PCNT: variants seen among roughly 807,000 people sequenced by gnomAD.
PCNT encodes the protein pericentrin.
PCNT carries 319 observed loss-of-function variants against 380.4 expected under a neutral mutation model. That is an observed-to-expected ratio of 0.84 (90% confidence interval 0.77 to 0.92). PCNT has a LOEUF of 0.92. Among genes scored for constraint, PCNT ranks in the 40% least tolerant of loss-of-function variants. The pLI is 0.00. For missense variants in PCNT, 4,400 were observed against 4,255.3 expected (o/e 1.03, Z -0.95); for synonymous variants, 1,845 against 1,735.2 (o/e 1.06, Z -1.57).
At chr21:46,432,666 C>A (rs2087818588) in intron 38 of PCNT, among the ~76,000 whole-genome samples, 1 of 152,090 alleles carries the variant, frequency 6.6e-6, no homozygotes, top group South Asian at 2.1e-4. Context: ...GCTCTGTCAC[C>A]CAGGCTGGAG....
chr21:46,418,173 A>G, intron 30 of PCNT, 31 bp from the exon 31 acceptor site: 1 of 1,354,582 alleles, frequency 7.4e-7, no homozygotes, highest in Non-Finnish European at 1.1e-6. Flanking sequence ...ATTACTCATT[A>G]TTTTATGACC....
At chr21:46,341,944 TTA>T (rs891140583) in intron 3 of PCNT, among the ~76,000 whole-genome samples, 4 of 10,362 alleles carry the variant, frequency 3.9e-4, no homozygotes, top group African/African-American at 1.9e-3. Context: ...TGCTTTTTAC[TTA>T]TTTTTTTTTT....
intron 43 of PCNT, 44 bp downstream of exon 43, chr21:46,441,128 C>T (rs371234638): frequency 2.3e-5 from 27 of 1,181,024 alleles, no homozygotes; most frequent in Middle Eastern, 1.9e-4. Context: ...CGTCTGTCTC[C>T]GTGAGTGGGC....
intron 15 of PCNT, among the ~76,000 whole-genome samples, chr21:46,372,344 C>T (rs1222400129): frequency 1.3e-5 from 2 of 151,952 alleles, no homozygotes; most frequent in Non-Finnish European, 2.9e-5. Flanking sequence ...CACACACATG[C>T]ACACGTGCTT....
chr21:46,349,319 C>T (rs1225419700), intron 7 of PCNT, 133 bp downstream of exon 7: 5 of 813,522 alleles, frequency 6.1e-6, no homozygotes, highest in South Asian at 4.2e-5. Context: ...GCCCCATGCA[C>T]GTGTGACACG....
chr21:46,413,004 G>T lies in PCNT; in HGVS notation c.6150+12G>T, dbSNP rs899525796. ...AGGACGGCGGCAAGGTGTGGGGAGGGGGGAAGGCGCGAGGTCCCCCCGGGA... is the reference window on the plus strand; with the variant it reads ...AGGACGGCGGCAAGGTGTGGGGAGGTGGGAAGGCGCGAGGTCCCCCCGGGA... On this transcript the variant is annotated intron_variant, in intron 29 of 46. Coordinates refer to ENST00000359568, the MANE Select transcript of PCNT (RefSeq NM_006031.6). The T allele has an allele frequency of 1.2e-6, 2 of 1,605,144 alleles. No homozygotes were observed. Among genetic ancestry groups the T allele is most frequent in the South Asian group, 2.2e-5 (2 of 90,984 alleles).
At chr21:46,364,624 C>G (rs572845873) in intron 14 of PCNT, among the ~76,000 whole-genome samples, 1 of 152,216 alleles carries the variant, frequency 6.6e-6, no homozygotes, top group African/African-American at 2.4e-5. Context: ...CATACACACT[C>G]TTCTTTGAAG....
chr21:46,333,283 T>G (rs1195319269), intron 2 of PCNT, among the ~76,000 whole-genome samples: 4 of 151,618 alleles, frequency 2.6e-5, no homozygotes, highest in African/African-American at 9.7e-5. Flanking sequence ...AATACAAAAA[T>G]TAGCTGGGCA....
At chr21:46,362,573 C>T (rs546653809) in intron 13 of PCNT, among the ~76,000 whole-genome samples, 1 of 151,832 alleles carries the variant, frequency 6.6e-6, no homozygotes, top group Non-Finnish European at 1.5e-5. Context: ...GTCAATCTTA[C>T]GTGCCTTTTT....
rs530103719 is a variant in PCNT, at chr21:46,430,787, G to A, written c.8064+130G>A. On this transcript the variant is annotated intron_variant, in intron 37 of 46. Coordinates refer to ENST00000359568, the MANE Select transcript of PCNT (RefSeq NM_006031.6). The stretch of plus-strand genomic sequence containing the variant: ...ACCCAGTTGACAGCAGTGTGACGTA[G>A]CAGGATAGGGCTGTGTTTGCAGGTA... 2.0e-6 allele frequency: 3 copies of A among 1,523,844 alleles called. No individual in the cohort carries two copies. In the South Asian group the frequency reaches 3.7e-5, roughly 19 times the overall value. The allele number at this position is 1,523,844 out of a possible 1,614,324, so 94.4% of individuals were successfully genotyped here. A position where few individuals can be genotyped will look rare whatever the true frequency, so the allele number is the denominator to read the frequency against.
At chr21:46,387,165 T>A (rs1264906626) in intron 17 of PCNT, among the ~76,000 whole-genome samples, 1 of 152,222 alleles carries the variant, frequency 6.6e-6, no homozygotes, top group Non-Finnish European at 1.5e-5. Context: ...CCCTCTGAGC[T>A]CACAGCTGTT....
At chr21:46,424,835 C>T (rs1009310094) in intron 32 of PCNT, among the ~76,000 whole-genome samples, 3 of 151,956 alleles carry the variant, frequency 2.0e-5, no homozygotes, top group Admixed American at 1.3e-4. Flanking sequence ...TGCATCCATC[C>T]TGTGCCACAT....
Position 46,346,188 on chromosome 21 carries a change from G to T in PCNT, c.700G>T (p.Ala234Ser). Residue 234 changes from alanine to serine, a missense_variant, in exon 4 of 47, where the codon GCT becomes TCT. By Grantham distance (99) the Ala-to-Ser change is moderately conservative. Coordinates refer to ENST00000359568, the MANE Select transcript of PCNT (RefSeq NM_006031.6). ...TDLESGREDE[A>S]GLHQSQAVHG... ...CCTGGAGAGCGGCCGTGAAGATGAGGCTGGCCTGCATCAGAGTCAGGTGAC... is the reference window on the plus strand; with the variant it reads ...CCTGGAGAGCGGCCGTGAAGATGAGTCTGGCCTGCATCAGAGTCAGGTGAC... 3 of 1,614,024 alleles carry T rather than the reference G, an allele frequency of 1.9e-6. No individual in the cohort carries two copies. The highest frequency in any genetic ancestry group is 2.5e-6 in the Non-Finnish European group (3 of 1,180,006).
Position 46,366,804 on chromosome 21 carries a change from G to T in PCNT, c.2830G>T (p.Ala944Ser), listed in dbSNP as rs1234889177. The change falls in exon 15 of 47, where the codon GCA (alanine) becomes TCA (serine). Residue 944 changes from alanine (A) to serine (S), a missense_variant. Transcript: ENST00000359568. ...GAGCAAGCAGGGGGCTCTGCTGGCT[G>T]CACGTGTGGCCGAACTGCAGACAAA... ...LESKQGALLA[A>S]RVAELQTKHA... The T allele has an allele frequency of 1.2e-6, 2 of 1,613,700 alleles. No homozygotes were observed. The highest frequency in any genetic ancestry group is 1.7e-5 in the Admixed American group (1 of 60,014).
intron 16 of PCNT, among the ~76,000 whole-genome samples, chr21:46,385,575 G>A (rs542871525): frequency 2.8e-4 from 42 of 152,226 alleles, no homozygotes; most frequent in African/African-American, 9.6e-4. Flanking sequence ...TCAGCACCTC[G>A]TTCACCTTTG....
At chr21:46,394,195 C>A (rs998910193) in intron 21 of PCNT, among the ~76,000 whole-genome samples, 1 of 152,252 alleles carries the variant, frequency 6.6e-6, no homozygotes, top group African/African-American at 2.4e-5. Context: ...TGGCGTGAAC[C>A]CGGCCCTGGT....
chr21:46,434,268 G>C (rs2087877777), intron 38 of PCNT, among the ~76,000 whole-genome samples: 1 of 152,202 alleles, frequency 6.6e-6, no homozygotes, highest in African/African-American at 2.4e-5. Context: ...ACTCATTCCT[G>C]TTTAAGAGGC....
At chr21:46,331,241 T>G (rs1037565610) in intron 2 of PCNT, among the ~76,000 whole-genome samples, 1 of 152,026 alleles carries the variant, frequency 6.6e-6, no homozygotes, top group East Asian at 1.9e-4. Context: ...ACTTCAGCCT[T>G]GACCTCCCTG....
rs974167810 is a variant in PCNT, at chr21:46,441,263, T to C, written c.9623+179T>C. The stretch of plus-strand genomic sequence containing the variant: ...TGATGAACTTGTCTTCAAGAAGTCA[T>C]GTGTATGAATCTCTCACCTTCTAAA... On this transcript the variant is annotated intron_variant, in intron 43 of 46. Transcript: ENST00000359568. 3.9e-5 allele frequency among the ~76,000 whole-genome samples: 6 copies of C among 152,254 alleles called. No homozygotes were observed. In the East Asian group the frequency reaches 9.6e-4, roughly 24 times the overall value.
Sources: allele counts gnomAD v4.1 joint callset (sites outside exome capture counted in the v4.1 genomes callset), GRCh38; gene constraint gnomAD v4.1.1; transcripts MANE v1.5; gene names NCBI Gene and HGNC (gene_info 2026-07-23, HGNC 2026-07-21).